GTF2H3: variants seen among roughly 807,000 people sequenced by gnomAD.
GTF2H3 encodes the protein TFIIH basal transcription factor complex p34 subunit.
Under a neutral mutation model 51.1 loss-of-function variants are expected in GTF2H3, and 42 were observed. The observed-to-expected ratio is 0.82, with a 90% CI of 0.64 to 1.06. The LOEUF is 1.06. Ranked by LOEUF, GTF2H3 falls within the 50% of genes least tolerant of loss-of-function variation. The probability of loss-of-function intolerance (pLI) is 0.00; values close to 1 mark genes in which losing one functional copy is unlikely to be tolerated. For synonymous variants in GTF2H3, 123 were observed against 123.8 expected, an observed-to-expected ratio of 0.99 and a Z score of 0.04; for missense variants, 326 against 366.1, an observed-to-expected ratio of 0.89 and a Z score of 0.89.
chr12:123,652,450 A>T, intron 5 of GTF2H3, 82 bp from the exon 6 acceptor site: 2 of 789,438 alleles, frequency 2.5e-6, no homozygotes, highest in Non-Finnish European at 4.1e-6. Context: ...TTTATTTAAA[A>T]TTGGAGGTTA....
At chr12:123,637,575 T>C (rs2135777019) in intron 1 of GTF2H3, among the ~76,000 whole-genome samples, 1 of 151,276 alleles carries the variant, frequency 6.6e-6, no homozygotes, top group South Asian at 2.1e-4. Flanking sequence ...AGATCTCAGC[T>C]CACTGCAACC....
At chr12:123,634,719 G>A (rs1955249532) in intron 1 of GTF2H3, among the ~76,000 whole-genome samples, 1 of 152,138 alleles carries the variant, frequency 6.6e-6, no homozygotes, top group African/African-American at 2.4e-5. Flanking sequence ...GAGGATGGTG[G>A]GGAGACTCAT....
rs1955635568 is a variant in GTF2H3 at position 123,659,934 on chromosome 12, A to G, written c.820+4A>G. ...GTCTGTTCTGTGTGTTTGTCAAGTA[A>G]GTTAATGTACCTAGTTTTTCTTTTT... On this transcript the variant is annotated splice_donor_region_variant and intron_variant, in intron 11 of 12. Coordinates refer to ENST00000543341, the MANE Select transcript of GTF2H3 (RefSeq NM_001516.5). The G allele has an allele frequency of 6.2e-7, 1 of 1,612,334 alleles. No individual in the cohort carries two copies. Among genetic ancestry groups the G allele is most frequent in the African/African-American group, 1.3e-5 (1 of 74,772 alleles).
intron 3 of GTF2H3, among the ~76,000 whole-genome samples, chr12:123,646,583 A>G (rs1365927925): frequency 1.3e-5 from 2 of 152,000 alleles, no homozygotes; most frequent in African/African-American, 2.4e-5. Flanking sequence ...TAATCACCAC[A>G]TTACAATAGA....
At chr12:123,659,992 C>T (rs985918931) in intron 11 of GTF2H3, 54 bp from the exon 12 acceptor site, 7 of 1,596,314 alleles carry the variant, frequency 4.4e-6, no homozygotes, top group Non-Finnish European at 6.0e-6. Context: ...AACAGTTTCT[C>T]AGCTGTGTTG....
rs1955336117 is a variant in GTF2H3 at position 123,639,440 on chromosome 12, A to G, written c.93+97A>G. Reference sequence around the variant, plus strand: ...GGCTTTATTAAAGTATAATTTACATACTGTAATATTCAGCCACTGTACAAT... The same window carrying G: ...GGCTTTATTAAAGTATAATTTACATGCTGTAATATTCAGCCACTGTACAAT... On this transcript the variant is annotated intron_variant, in intron 2 of 12. Coordinates refer to ENST00000543341, the MANE Select transcript of GTF2H3 (RefSeq NM_001516.5). 2.3e-5 allele frequency: 15 copies of G among 662,024 alleles called. No homozygotes were observed. In the South Asian group the frequency reaches 2.3e-4, roughly 10 times the overall value. 41.0% of individuals were successfully genotyped at this position (662,024 alleles called of 1,614,324 possible).
chr12:123,649,742 A>T (rs1341225122), intron 4 of GTF2H3: 1 of 152,214 alleles, frequency 6.6e-6, no homozygotes, highest in East Asian at 1.9e-4. Flanking sequence ...CTGGGCAGAG[A>T]CTGGGGAGTG....
At chr12:123,643,955 C>T (rs11572945) in intron 2 of GTF2H3, among the ~76,000 whole-genome samples, 9,766 of 152,080 alleles carry the variant, frequency 0.064, 1,035 homozygotes, top group African/African-American at 0.22. Flanking sequence ...CTCAGCATCC[C>T]GAGAAGCTGG....
At chr12:123,640,032 G>A (rs535490162) in intron 2 of GTF2H3, 1 of 448,980 alleles carries the variant, frequency 2.2e-6, no homozygotes, top group East Asian at 7.0e-5. Context: ...CTAATTGTTT[G>A]TATTTTTAGT....
intron 2 of GTF2H3, among the ~76,000 whole-genome samples, chr12:123,644,116 G>A (rs542358877): frequency 4.0e-4 from 60 of 151,888 alleles, no homozygotes; most frequent in African/African-American, 1.4e-3. Flanking sequence ...GAGCCACCAC[G>A]CCCAGCCACC....
Position 123,651,161 on chromosome 12 carries a change from G to A in GTF2H3, c.427+105G>A, listed in dbSNP as rs149629171. ...GGGTGCCCATTACTGGGACATGTGA[G>A]TACTCTGAAGTGGAGGGTAATTTTT... On this transcript the variant is annotated intron_variant, in intron 5 of 12. Transcript: ENST00000543341. 6.9e-6 allele frequency: 5 copies of A among 726,566 alleles called. No homozygotes were observed. In the African/African-American group the frequency reaches 7.1e-5, roughly 10 times the overall value. The allele number at this position is 726,566 out of a possible 1,614,324, so 45.0% of individuals were successfully genotyped here. A position where few individuals can be genotyped will look rare whatever the true frequency, so the allele number is the denominator to read the frequency against.
At chr12:123,645,658 G>GA in intron 3 of GTF2H3, 97 bp downstream of exon 3, 1 of 668,256 alleles carries the variant, frequency 1.5e-6, no homozygotes. Flanking sequence ...TGTTGCAAAA[G>GA]AAAATGTTTT....
intron 5 of GTF2H3, 53 bp downstream of exon 5, chr12:123,651,109 T>G (rs1165556753): frequency 7.6e-7 from 1 of 1,318,594 alleles, no homozygotes; most frequent in Non-Finnish European, 1.1e-6. Flanking sequence ...TAAACATATC[T>G]TAACTTGTGA....
chr12:123,636,448 G>A (rs1386286191), intron 1 of GTF2H3, among the ~76,000 whole-genome samples: 1 of 152,368 alleles, frequency 6.6e-6, no homozygotes, highest in Middle Eastern at 3.4e-3. Context: ...AAAGTACGGA[G>A]GGAGGAAAGG....
In GTF2H3 at chr12:123,659,898, A is replaced by C. The variant is rs765430915; in HGVS notation, c.788A>C (p.Glu263Ala). 5 of 1,614,072 alleles carry C rather than the reference A, an allele frequency of 3.1e-6. No homozygotes were observed. Among genetic ancestry groups the C allele is most frequent in the Non-Finnish European group, 4.2e-6 (5 of 1,180,018 alleles). ...TGCTTCTGTCATCGAAATCTCATTG[A>C]AATTGGTTATGTCTGTTCTGTGTGT... ...AACFCHRNLI[E>A]IGYVCSVCLS... Residue 263 changes from glutamate to alanine, a missense_variant, in exon 11 of 13, where the codon GAA becomes GCA. By Grantham distance (107) the Glu-to-Ala change is moderately radical (BLOSUM62 -1). Coordinates refer to ENST00000543341, the MANE Select transcript of GTF2H3 (RefSeq NM_001516.5).
intron 1 of GTF2H3, among the ~76,000 whole-genome samples, chr12:123,637,608 T>G (rs1955303250): frequency 6.6e-6 from 1 of 151,718 alleles, no homozygotes; most frequent in Non-Finnish European, 1.5e-5. Context: ...GTTCAAGTGA[T>G]TCTCCTGCCT....
rs557992678 is a variant in GTF2H3, at chr12:123,661,667, G to C, written c.*1432G>C. On this transcript the variant is annotated 3_prime_UTR_variant, in exon 13 of 13. Transcript: ENST00000543341. ...AAAAAAAAAAAGATCGGGCACGTTG[G>C]CTCACGCCTGTAATCCCAGCACTTT... The C allele has an allele frequency of 1.4e-5, 2 of 147,262 alleles. No homozygotes were observed. Among genetic ancestry groups the C allele is most frequent in the Non-Finnish European group, 2.9e-5 (2 of 68,082 alleles). The allele number at this position is 147,262 out of a possible 1,614,324, so 9.1% of individuals were successfully genotyped here.
chr12:123,661,804 GTGCAAGCTCGGCTCTC>G lies in GTF2H3; in HGVS notation c.*1579_*1594del, dbSNP rs1221259407. On this transcript the variant is annotated 3_prime_UTR_variant, in exon 13 of 13. Transcript: ENST00000543341. ...CTGTTGCCCAGGCTGGGGTGCAGTG[GTGCAAGCTCGGCTCTC>G]TGCAAGCTCTGTCTCCTGGGTTCAC... The G allele has an allele frequency of 6.6e-6, 1 of 152,656 alleles. No homozygotes were observed. 9.5% of individuals were successfully genotyped at this position (152,656 alleles called of 1,614,324 possible).
rs1955661798 is a variant in GTF2H3, at chr12:123,661,837, T to G, written c.*1602T>G. ...TCGGCTCTCTGCAAGCTCTGTCTCC[T>G]GGGTTCACGCCATTCTCCTGCCTCA... On this transcript the variant is annotated 3_prime_UTR_variant, in exon 13 of 13. Transcript: ENST00000543341. The G allele has an allele frequency of 6.6e-6, 1 of 152,228 alleles. No individual in the cohort carries two copies. Among genetic ancestry groups the G allele is most frequent in the African/African-American group, 2.4e-5 (1 of 41,282 alleles). 9.4% of individuals were successfully genotyped at this position (152,228 alleles called of 1,614,324 possible).
Sources: allele counts gnomAD v4.1 joint callset (sites outside exome capture counted in the v4.1 genomes callset), GRCh38; gene constraint gnomAD v4.1.1; transcripts MANE v1.5; gene names NCBI Gene and HGNC (gene_info 2026-07-23, HGNC 2026-07-21).